LRRTM4: variants seen among roughly 807,000 people sequenced by gnomAD.
LRRTM4 encodes the protein leucine rich repeat transmembrane neuronal 4.
In LRRTM4, 25 loss-of-function variants were observed where a neutral mutation model predicts 47.6. The ratio of observed to expected loss-of-function variants is 0.53; its 90% CI spans 0.38 to 0.73. The LOEUF is 0.73. Among genes scored for constraint, LRRTM4 ranks in the 30% least tolerant of loss-of-function variants. The probability of loss-of-function intolerance (pLI) is 0.00; values close to 1 mark genes in which losing one functional copy is unlikely to be tolerated. For synonymous variants in LRRTM4, 311 were observed against 269.5 expected (o/e 1.15, Z -1.51); for missense variants, 638 against 713.4 (o/e 0.89, Z 1.20).
chr2:76,914,410 T>C (rs1477521282), intron 3 of LRRTM4, among the ~76,000 whole-genome samples: 1 of 152,164 alleles, frequency 6.6e-6, no homozygotes, highest in Non-Finnish European at 1.5e-5. Context: ...ACTGTGTCTT[T>C]ATATTTGGGG....
intron 3 of LRRTM4, among the ~76,000 whole-genome samples, chr2:77,448,959 T>G (rs1676154824): frequency 6.6e-6 from 1 of 152,200 alleles, no homozygotes; most frequent in Non-Finnish European, 1.5e-5. Flanking sequence ...ATTTGAAATT[T>G]GATTATCTTG....
At chr2:77,228,796 A>C (rs1305663053) in intron 3 of LRRTM4, among the ~76,000 whole-genome samples, 1 of 152,198 alleles carries the variant, frequency 6.6e-6, no homozygotes, top group East Asian at 1.9e-4. Flanking sequence ...GCCAAGAATC[A>C]GACCGCTTCA....
intron 3 of LRRTM4, among the ~76,000 whole-genome samples, chr2:77,198,982 C>G (rs1673903485): frequency 6.6e-6 from 1 of 152,146 alleles, no homozygotes; most frequent in South Asian, 2.1e-4. Context: ...GTCTTTGGAT[C>G]CTACCACAGA....
At chr2:76,766,609 G>A (rs1193583756) in intron 3 of LRRTM4, among the ~76,000 whole-genome samples, 1 of 152,186 alleles carries the variant, frequency 6.6e-6, no homozygotes, top group Non-Finnish European at 1.5e-5. Flanking sequence ...ATTCATTTCT[G>A]TAAGTAAGAG....
chr2:77,067,043 G>A (rs1015423441), intron 3 of LRRTM4, among the ~76,000 whole-genome samples: 8 of 152,268 alleles, frequency 5.3e-5, no homozygotes, highest in South Asian at 2.1e-4. Context: ...CTGACACTCC[G>A]TTAGAATTAA....
intron 3 of LRRTM4, among the ~76,000 whole-genome samples, chr2:77,165,444 C>T (rs1218697161): frequency 2.6e-5 from 4 of 152,170 alleles, no homozygotes; most frequent in African/African-American, 9.6e-5. Context: ...AAGAGGGAAT[C>T]CTTCCTAACT....
chr2:76,791,918 C>G (rs1404258832), intron 3 of LRRTM4, among the ~76,000 whole-genome samples: 1 of 152,166 alleles, frequency 6.6e-6, no homozygotes, highest in Admixed American at 6.5e-5. Context: ...AAAAACCAGA[C>G]AAAAAATTCT....
At chr2:77,347,312 C>G (rs1055420624) in intron 3 of LRRTM4, among the ~76,000 whole-genome samples, 7 of 152,104 alleles carry the variant, frequency 4.6e-5, no homozygotes, top group African/African-American at 1.4e-4. Context: ...GTAAGTAGCA[C>G]CTTTGTAAAT....
In LRRTM4 at chr2:77,188,452, A is replaced by T. The variant is rs916521719; in HGVS notation, c.1551+329866T>A. On this transcript the variant is annotated intron_variant, in intron 3 of 3. Transcript: ENST00000409884. ...AACATATCATTGTTTTCCCTCCTAA[A>T]TATTTGATCACCGTTTAAAAAATGA... 2.0e-5 allele frequency among the ~76,000 whole-genome samples: 3 copies of T among 152,218 alleles called. No homozygotes were observed. The South Asian group carries it at 6.2e-4, about 32-fold the overall frequency.
chr2:77,402,042 CATAAA>C, intron 3 of LRRTM4, among the ~76,000 whole-genome samples: 1 of 152,052 alleles, frequency 6.6e-6, no homozygotes, highest in East Asian at 1.9e-4. Flanking sequence ...CATAGGTGTG[CATAAA>C]ATGAGATAAT....
At chr2:77,499,692 A>C (rs1678499606) in intron 3 of LRRTM4, among the ~76,000 whole-genome samples, 1 of 151,918 alleles carries the variant, frequency 6.6e-6, no homozygotes, top group South Asian at 2.1e-4. Flanking sequence ...TGTCCAGCAT[A>C]GTGCTAAAAT....
intron 3 of LRRTM4, among the ~76,000 whole-genome samples, chr2:77,135,561 A>G (rs1671913327): frequency 6.6e-6 from 1 of 152,218 alleles, no homozygotes; most frequent in Non-Finnish European, 1.5e-5. Flanking sequence ...GAGAAAGTAA[A>G]TGCAATATTT....
At position 77,023,541 on chromosome 2, in the gene LRRTM4, C is replaced by T. The variant is rs548189883; in HGVS notation, c.1552-274625G>A. Among the ~76,000 whole-genome samples, 5 of 152,330 alleles carry T rather than the reference C, an allele frequency of 3.3e-5. No homozygotes were observed. The South Asian group carries it at 1.0e-3, about 32-fold the overall frequency. On this transcript the variant is annotated intron_variant, in intron 3 of 3. Transcript: ENST00000409884. ...ATGTTTTTAACAGCACCCAAGTAAC[C>T]TCTTGAATGCTTTGCTGCTTAGAAA... is the stretch of plus-strand genomic sequence containing the variant.
chr2:77,390,347 A>C (rs1673451865), intron 3 of LRRTM4, among the ~76,000 whole-genome samples: 1 of 152,070 alleles, frequency 6.6e-6, no homozygotes, highest in African/African-American at 2.4e-5. Context: ...AAGGCAATAG[A>C]TTCTAGCATA....
intron 3 of LRRTM4, among the ~76,000 whole-genome samples, chr2:77,035,354 A>G (rs1298572470): frequency 6.6e-6 from 1 of 151,794 alleles, no homozygotes; most frequent in Non-Finnish European, 1.5e-5. Context: ...AAAACTACAG[A>G]TAACATTATA....
chr2:77,156,441 T>C (rs2103796736), intron 3 of LRRTM4, among the ~76,000 whole-genome samples: 2 of 151,946 alleles, frequency 1.3e-5, no homozygotes, highest in South Asian at 4.2e-4. Context: ...TAAATTATAG[T>C]ATATTCAAGC....
chr2:77,329,787 G>A (rs542635465), intron 3 of LRRTM4, among the ~76,000 whole-genome samples: 3 of 152,154 alleles, frequency 2.0e-5, no homozygotes, highest in Non-Finnish European at 4.4e-5. Flanking sequence ...GTGGAGAAGA[G>A]AGTGAAGGAT....
At chr2:77,424,430 A>C (rs891149250) in intron 3 of LRRTM4, among the ~76,000 whole-genome samples, 1 of 130,862 alleles carries the variant, frequency 7.6e-6, no homozygotes, top group African/African-American at 2.9e-5. Context: ...TCCATTATAC[A>C]GTGAACTGAT....
intron 3 of LRRTM4, among the ~76,000 whole-genome samples, chr2:77,442,423 A>G (rs1675880511): frequency 6.6e-6 from 1 of 152,206 alleles, no homozygotes; most frequent in African/African-American, 2.4e-5. Context: ...GATAAAAAGA[A>G]GAATACATTT....
Sources: allele counts gnomAD v4.1 joint callset (sites outside exome capture counted in the v4.1 genomes callset), GRCh38; gene constraint gnomAD v4.1.1; transcripts MANE v1.5; gene names NCBI Gene and HGNC (gene_info 2026-07-23, HGNC 2026-07-21).